Variants in TMEM260 observed in about 807,000 individuals in gnomAD.
TMEM260 encodes the protein transmembrane protein 260, also known as protein O-mannosyl-transferase TMEM260.
A neutral mutation model predicts 88.9 loss-of-function variants in TMEM260; 82 were observed. That is an observed-to-expected ratio of 0.92 (90% CI 0.77 to 1.11). The LOEUF (loss-of-function observed/expected upper bound fraction) is 1.11. Ranked by LOEUF, TMEM260 falls within the 50% of genes least tolerant of loss-of-function variation. The probability of loss-of-function intolerance (pLI) is 0.00; values close to 1 mark genes in which losing one functional copy is unlikely to be tolerated. For synonymous variants in TMEM260, 314 were observed against 309.3 expected (o/e 1.02, Z -0.16); for missense variants, 902 against 853.4 (o/e 1.06, Z -0.71).
chr14:56,655,560 G>C (rs1319712635), downstream of TMEM260, among the ~76,000 whole-genome samples: 1 of 152,056 alleles, frequency 6.6e-6, no homozygotes, highest in Non-Finnish European at 1.5e-5. Context: ...GCTTTTACTA[G>C]GACAAAACTT....
intron 6 of TMEM260, among the ~76,000 whole-genome samples, chr14:56,610,521 C>T (rs1426745134): frequency 6.6e-6 from 1 of 152,124 alleles, no homozygotes; most frequent in African/African-American, 2.4e-5. Flanking sequence ...GGATTACAGG[C>T]GTGAGCCACC....
At chr14:56,593,934 G>A (rs531655726) in intron 3 of TMEM260, among the ~76,000 whole-genome samples, 8 of 151,436 alleles carry the variant, frequency 5.3e-5, no homozygotes, top group Non-Finnish European at 1.0e-4. Flanking sequence ...TGATCCACCC[G>A]CCTCGGCCTC....
chr14:56,620,450 A>C (rs1268137144), intron 10 of TMEM260, among the ~76,000 whole-genome samples: 3 of 152,218 alleles, frequency 2.0e-5, no homozygotes, highest in Non-Finnish European at 4.4e-5. Flanking sequence ...TGTGTTTCCC[A>C]ACCTTTTCTT....
intron 3 of TMEM260, 113 bp downstream of exon 3, chr14:56,586,025 G>A: frequency 1.9e-6 from 2 of 1,076,938 alleles, no homozygotes; most frequent in African/African-American, 1.6e-5. Context: ...CCTAACACAT[G>A]TGATTTCACT....
chr14:56,618,798 C>G, intron 10 of TMEM260, 35 bp downstream of exon 10: 1 of 1,583,750 alleles, frequency 6.3e-7, no homozygotes, highest in Non-Finnish European at 8.7e-7. Flanking sequence ...AAGTAGCTGT[C>G]AAGCCAGAGA....
chr14:56,636,419 T>TATCAGTGGAGA, intron 14 of TMEM260, 89 bp from the exon 15 acceptor site: 1 of 977,608 alleles, frequency 1.0e-6, no homozygotes, highest in Non-Finnish European at 1.6e-6. Context: ...GTACATCCCT[T>TATCAGTGGAGA]ATCAGTGGAG....
At chr14:56,652,676 C>T (rs1322997110), downstream of TMEM260, among the ~76,000 whole-genome samples, 2 of 152,094 alleles carry the variant, frequency 1.3e-5, no homozygotes, top group Admixed American at 6.6e-5. Flanking sequence ...GCATAAAAAA[C>T]TGAGTTCAAT....
chr14:56,644,899 A>G (rs1889852013), intron 15 of TMEM260, among the ~76,000 whole-genome samples: 1 of 152,266 alleles, frequency 6.6e-6, no homozygotes, highest in South Asian at 2.1e-4. Context: ...AAAGATGCTC[A>G]TCATCACTGG....
At chr14:56,619,817 A>G (rs1178828766) in intron 10 of TMEM260, among the ~76,000 whole-genome samples, 1 of 152,226 alleles carries the variant, frequency 6.6e-6, no homozygotes, top group Non-Finnish European at 1.5e-5. Flanking sequence ...AAATCATTCT[A>G]ACATAAAGAC....
chr14:56,587,286 T>C (rs1255933096), intron 3 of TMEM260, among the ~76,000 whole-genome samples: 1 of 151,954 alleles, frequency 6.6e-6, no homozygotes, highest in East Asian at 1.9e-4. Flanking sequence ...TAGACATATA[T>C]TTAAATGTTA....
In TMEM260 at chr14:56,579,903, C is replaced by A; in HGVS notation, c.-12C>A. ...GCTGGCCGTGTCCTTCTCCCTCGGT[C>A]GCCACTGGCCCATGAGTCCCCATGG... On this transcript the variant is annotated 5_prime_UTR_variant, in exon 1 of 16. Transcript: ENST00000261556. 1 of 1,232,776 alleles carries A rather than the reference C, an allele frequency of 8.1e-7. No homozygotes were observed. Among genetic ancestry groups the A allele is most frequent in the South Asian group, 4.1e-5 (1 of 24,336 alleles). 76.4% of individuals were successfully genotyped at this position (1,232,776 alleles called of 1,614,324 possible). A position where few individuals can be genotyped will look rare whatever the true frequency, so the allele number is the denominator to read the frequency against.
downstream of TMEM260, chr14:56,649,566 GT>G (rs1487300859): frequency 6.6e-6 from 1 of 152,196 alleles, no homozygotes; most frequent in Non-Finnish European, 1.5e-5. Context: ...CGTGGTGGTT[GT>G]GTTTGTTTCT....
At chr14:56,623,709 A>G (rs2139603580) in intron 11 of TMEM260, among the ~76,000 whole-genome samples, 1 of 152,346 alleles carries the variant, frequency 6.6e-6, no homozygotes, top group Non-Finnish European at 1.5e-5. Flanking sequence ...TGGGTATGTA[A>G]TTAATATTAA....
intron 3 of TMEM260, among the ~76,000 whole-genome samples, chr14:56,593,737 G>A (rs1029822007): frequency 1.8e-4 from 24 of 133,124 alleles, no homozygotes; most frequent in African/African-American, 5.9e-4. Context: ...GCCCAGGCTG[G>A]AGTGCAGTGG....
intron 4 of TMEM260, among the ~76,000 whole-genome samples, chr14:56,604,770 G>T (rs1342301038): frequency 6.6e-6 from 1 of 152,300 alleles, no homozygotes; most frequent in South Asian, 2.1e-4. Context: ...TGTAGTAGGG[G>T]AAAGAAATCA....
At chr14:56,611,929 A>G (rs1193579203) in intron 6 of TMEM260, among the ~76,000 whole-genome samples, 5 of 152,194 alleles carry the variant, frequency 3.3e-5, no homozygotes, top group Non-Finnish European at 7.4e-5. Flanking sequence ...ACATGTTCTC[A>G]TTTATAAGTG....
downstream of TMEM260, chr14:56,649,992 C>A: frequency 2.5e-6 from 1 of 401,782 alleles, no homozygotes. Flanking sequence ...AGATGAACTA[C>A]TTTGGAGAAT....
chr14:56,660,379 TTTAA>T, the TMEM260 span, among the ~76,000 whole-genome samples: 1 of 152,238 alleles, frequency 6.6e-6, no homozygotes, highest in African/African-American at 2.4e-5. Context: ...AATTGCTGGA[TTTAA>T]TTGTTACAGT....
chr14:56,635,036 G>A (rs1445532424), intron 14 of TMEM260, 84 bp downstream of exon 14: 1 of 1,154,598 alleles, frequency 8.7e-7, no homozygotes, highest in Admixed American at 1.8e-5. Flanking sequence ...TTTGAGAGTA[G>A]GGGTGAGTAG....
Sources: allele counts gnomAD v4.1 joint callset (sites outside exome capture counted in the v4.1 genomes callset), GRCh38; gene constraint gnomAD v4.1.1; transcripts MANE v1.5; gene names NCBI Gene and HGNC (gene_info 2026-07-23, HGNC 2026-07-21).